Variants in OPHN1 observed in about 807,000 individuals in gnomAD.
OPHN1 encodes oligophrenin 1.
In OPHN1, 11 loss-of-function variants were observed where a neutral mutation model predicts 60.7. The ratio of observed to expected loss-of-function variants is 0.18; its 90% CI spans 0.11 to 0.30. OPHN1 has a LOEUF of 0.30. Among genes scored for constraint, OPHN1 ranks in the 10% least tolerant of loss-of-function variants. The probability of loss-of-function intolerance (pLI) is 1.00; values close to 1 mark genes in which losing one functional copy is unlikely to be tolerated. For missense variants in OPHN1, 449 were observed against 611.0 expected, an observed-to-expected ratio of 0.73 and a Z score of 2.80; for synonymous variants, 226 against 222.6, an observed-to-expected ratio of 1.02 and a Z score of -0.14.
intron 19 of OPHN1, among the ~76,000 whole-genome samples, chrX:68,090,316 A>G (rs2077012720): frequency 9.1e-6 from 1 of 110,230 alleles, no homozygotes; most frequent in South Asian, 3.9e-4. Context: ...ATACAAATGT[A>G]TAAAATATAA....
rs184993119 is a variant in OPHN1 at position 68,329,004 on chromosome X, G to A, written c.155-29908C>T. On this transcript the variant is annotated intron_variant, in intron 2 of 24. Coordinates refer to ENST00000355520, the MANE Select transcript of OPHN1 (RefSeq NM_002547.3). Reference sequence around the variant, plus strand: ...GCGATCTCAGTTCACTGCACTCTCCGCCTCCTGGGTTCAAGTGATTCTCCT... The same window carrying A: ...GCGATCTCAGTTCACTGCACTCTCCACCTCCTGGGTTCAAGTGATTCTCCT... Among the ~76,000 whole-genome samples the A allele has an allele frequency of 1.5e-4, 17 of 111,821 alleles. No homozygotes were observed. In the East Asian group the frequency reaches 3.4e-3, roughly 22 times the overall value.
intron 20 of OPHN1, among the ~76,000 whole-genome samples, chrX:68,065,625 C>T (rs1287709397): frequency 1.8e-5 from 2 of 111,601 alleles, no homozygotes; most frequent in African/African-American, 6.5e-5. Flanking sequence ...ACTGTGAGAC[C>T]TCGTACAAGT....
intron 15 of OPHN1, among the ~76,000 whole-genome samples, chrX:68,135,031 A>G (rs1435262013): frequency 9.0e-6 from 1 of 111,331 alleles, no homozygotes; most frequent in African/African-American, 3.3e-5. Context: ...TTTAGTTTGA[A>G]TATAGAATAG....
intron 14 of OPHN1, among the ~76,000 whole-genome samples, chrX:68,193,519 A>G (rs964506125): frequency 1.8e-5 from 2 of 111,913 alleles, no homozygotes; most frequent in African/African-American, 6.5e-5. Context: ...ATCGGCAACC[A>G]GGAAGAATGC....
chrX:68,142,370 T>C (rs901038271), intron 15 of OPHN1, among the ~76,000 whole-genome samples: 5 of 112,262 alleles, frequency 4.5e-5, no homozygotes, highest in African/African-American at 1.6e-4. Flanking sequence ...GGGACAAGCA[T>C]GTAATTACTA....
chrX:68,241,811 C>T (rs1202683148), intron 5 of OPHN1, among the ~76,000 whole-genome samples: 1 of 110,993 alleles, frequency 9.0e-6, no homozygotes, highest in Non-Finnish European at 1.9e-5. Flanking sequence ...ATCCCAGCTA[C>T]CTGGGAGGCT....
rs759397004 is a variant in OPHN1, at chrX:68,044,333, C to T, written c.*2839G>A. 1 of 112,692 alleles carries T rather than the reference C, an allele frequency of 8.9e-6. No individual in the cohort carries two copies. Among genetic ancestry groups the T allele is most frequent in the South Asian group, 3.7e-4 (1 of 2,725 alleles). The allele number at this position is 112,692 out of a possible 1,213,427, so 9.3% of individuals were successfully genotyped here. ...AAATCACAGTCCTTTTATTTACTTT[C>T]TATGTGCCCTTGAGTTGTTTACTTT... On this transcript the variant is annotated 3_prime_UTR_variant, in exon 25 of 25. Transcript: ENST00000355520.
At chrX:68,427,330 T>G (rs943162267) in intron 2 of OPHN1, among the ~76,000 whole-genome samples, 2 of 110,802 alleles carry the variant, frequency 1.8e-5, no homozygotes, top group African/African-American at 6.5e-5. Flanking sequence ...AATTAAATAC[T>G]GTCATTTACA....
At chrX:68,317,519 GAA>G (rs2078211036) in intron 2 of OPHN1, among the ~76,000 whole-genome samples, 8 of 46,508 alleles carry the variant, frequency 1.7e-4, no homozygotes, top group African/African-American at 5.7e-4. Context: ...AAGAGAGAGA[GAA>G]AGAAAGAAAG....
intron 10 of OPHN1, among the ~76,000 whole-genome samples, chrX:68,203,574 A>G (rs751409703): frequency 9.0e-6 from 1 of 111,697 alleles, no homozygotes; most frequent in Admixed American, 9.5e-5. Context: ...AGTTATGAGC[A>G]AAGTCACAGA....
At chrX:68,073,329 A>G (rs376520516) in intron 19 of OPHN1, 30 bp from the exon 20 acceptor site, 4 of 1,166,099 alleles carry the variant, frequency 3.4e-6, no homozygotes, top group Non-Finnish European at 4.6e-6. Context: ...ATATCTAGAG[A>G]ATAATTAGAT....
chrX:68,052,197 G>A (rs1287233310), intron 23 of OPHN1, among the ~76,000 whole-genome samples: 1 of 110,471 alleles, frequency 9.1e-6, no homozygotes, highest in East Asian at 2.9e-4. Flanking sequence ...GGCTGAGGTG[G>A]GAGGATCACT....
intron 18 of OPHN1, among the ~76,000 whole-genome samples, chrX:68,107,390 T>A: frequency 8.9e-6 from 1 of 112,120 alleles, no homozygotes; most frequent in Non-Finnish European, 1.9e-5. Context: ...TGTTTTTCTA[T>A]ACTCTTTATT....
intron 15 of OPHN1, among the ~76,000 whole-genome samples, chrX:68,183,134 G>T (rs144118688): frequency 2.1e-3 from 234 of 111,861 alleles, no homozygotes; most frequent in African/African-American, 7.3e-3. Flanking sequence ...TCAAGATTAA[G>T]AAATTCTACT....
intron 5 of OPHN1, among the ~76,000 whole-genome samples, chrX:68,248,007 G>GA (rs2077815430): frequency 1.8e-5 from 2 of 111,500 alleles, no homozygotes; most frequent in Admixed American, 9.6e-5. Flanking sequence ...TATCTACACA[G>GA]AAAAAAATAC....
intron 5 of OPHN1, among the ~76,000 whole-genome samples, 173 bp downstream of exon 5, chrX:68,274,565 T>C (rs1433477031): frequency 2.7e-5 from 3 of 111,017 alleles, no homozygotes; most frequent in Non-Finnish European, 1.9e-5. Flanking sequence ...CAGAATGCCA[T>C]AGACAGGGTG....
intron 2 of OPHN1, among the ~76,000 whole-genome samples, chrX:68,392,824 G>C (rs781221699): frequency 9.2e-6 from 1 of 108,778 alleles, no homozygotes; most frequent in Non-Finnish European, 1.9e-5. Context: ...AACTCCAGGG[G>C]AAGATCATCT....
intron 15 of OPHN1, among the ~76,000 whole-genome samples, chrX:68,187,763 GACT>G (rs1182045505): frequency 9.1e-6 from 1 of 110,012 alleles, no homozygotes; most frequent in Admixed American, 9.8e-5. Flanking sequence ...GATTAGCTGG[GACT>G]ACAGGTGCCC....
At chrX:68,361,495 A>G (rs2147718384) in intron 2 of OPHN1, among the ~76,000 whole-genome samples, 1 of 109,373 alleles carries the variant, frequency 9.1e-6, no homozygotes, top group South Asian at 3.8e-4. Flanking sequence ...AAAAATAAAA[A>G]TAAAAAATAA....
Sources: gnomAD v4.1 joint callset for allele counts (sites outside exome capture counted in the v4.1 genomes callset) on GRCh38, gnomAD v4.1.1 for gene constraint, MANE v1.5 for transcripts, NCBI Gene and HGNC (gene_info 2026-07-23, HGNC 2026-07-21) for gene names.